The following FAM163B variants were observed in gnomAD, a reference collection of about 807,000 sequenced individuals.
The protein encoded by FAM163B is protein FAM163B.
FAM163B carries 4 observed loss-of-function variants against 7.6 expected under a neutral mutation model. That is an observed-to-expected ratio of 0.52 (90% CI 0.26 to 1.20). The LOEUF (loss-of-function observed/expected upper bound fraction) is 1.20, where lower values mean the gene tolerates loss of function less well. FAM163B is among the 50% of genes most tolerant of loss of function. FAM163B has a pLI of 0.14. For missense variants in FAM163B, 250 were observed against 243.0 expected (o/e 1.03, Z -0.19); for synonymous variants, 120 against 111.6 (o/e 1.07, Z -0.47).
intron 1 of FAM163B, among the ~76,000 whole-genome samples, chr9:133,588,624 G>A: frequency 6.6e-6 from 1 of 152,100 alleles, no homozygotes; most frequent in Non-Finnish European, 1.5e-5. Context: ...GAAGGATCTA[G>A]CATGTTGAGG....
chr9:133,594,545 G>A (rs759687891), intron 1 of FAM163B, among the ~76,000 whole-genome samples: 4 of 152,050 alleles, frequency 2.6e-5, no homozygotes, highest in Non-Finnish European at 4.4e-5. Context: ...CCTCTTCTGG[G>A]CTCTAGTAGC....
At chr9:133,590,060 CCCTTCCCCTT>C (rs1445248721) in intron 1 of FAM163B, among the ~76,000 whole-genome samples, 10,618 of 24,832 alleles carry the variant, frequency 0.43, 2,628 homozygotes, top group East Asian at 0.75. Context: ...CCCTTCCCTT[CCCTTCCCCTT>C]CCCTTCCCCT....
At chr9:133,594,026 C>G (rs891038497) in intron 1 of FAM163B, among the ~76,000 whole-genome samples, 4 of 152,190 alleles carry the variant, frequency 2.6e-5, no homozygotes, top group African/African-American at 4.8e-5. Flanking sequence ...TCTGGGGCTG[C>G]GGGGACATTT....
At position 133,580,163 on chromosome 9, in the gene FAM163B, T is replaced by C; in HGVS notation, c.61A>G (p.Ile21Val). 2 of 1,613,238 alleles carry C rather than the reference T, an allele frequency of 1.2e-6. No homozygotes were observed. The highest frequency in any genetic ancestry group is 1.7e-6 in the Non-Finnish European group (2 of 1,180,030). ...GILATVILLCIIAVLCYCRLQ... is the reference protein window; with the variant it reads ...GILATVILLCVIAVLCYCRLQ... ...CGGCAGTAGCACAGAACAGCGATGATGCAGAGCAAAATCACAGTCGCCAAG... is the reference window on the plus strand; with the variant it reads ...CGGCAGTAGCACAGAACAGCGATGACGCAGAGCAAAATCACAGTCGCCAAG... The change falls in exon 2 of 3, where the codon ATC becomes GTC. Residue 21 changes from isoleucine (I) to valine (V), a missense_variant. Ile to Val is a conservative substitution (Grantham distance 29). Coordinates refer to ENST00000673969, the MANE Select transcript of FAM163B (RefSeq NM_001080515.3).
intron 1 of FAM163B, among the ~76,000 whole-genome samples, chr9:133,592,032 C>T (rs1831560357): frequency 1.3e-5 from 2 of 152,128 alleles, no homozygotes; most frequent in Admixed American, 1.3e-4. Context: ...CGCGGCCTGG[C>T]CCACCCTGCT....
rs1445658473 is a variant in FAM163B, at chr9:133,577,908, A to G, written c.*1114T>C. Reference sequence around the variant, plus strand: ...GAAAGTGGGCTCAGATGAGGTCTTCAGATGGCAGCAGTAGGCTCTGGCTGC... The same window carrying G: ...GAAAGTGGGCTCAGATGAGGTCTTCGGATGGCAGCAGTAGGCTCTGGCTGC... On this transcript the variant is annotated 3_prime_UTR_variant, in exon 3 of 3. Transcript: ENST00000673969. Among the ~76,000 whole-genome samples the G allele has an allele frequency of 1.8e-4, 27 of 152,142 alleles. No homozygotes were observed. The highest frequency in any genetic ancestry group is 6.0e-4 in the African/African-American group (25 of 41,432).
chr9:133,604,801 T>C (rs182589546), intron 1 of FAM163B, among the ~76,000 whole-genome samples: 1 of 151,986 alleles, frequency 6.6e-6, no homozygotes, highest in Non-Finnish European at 1.5e-5. Flanking sequence ...CCATCTGGAG[T>C]AGCACGATTT....
chr9:133,580,036 G>T (rs966616422), intron 2 of FAM163B, 95 bp downstream of exon 2: 2 of 1,042,220 alleles, frequency 1.9e-6, no homozygotes, highest in South Asian at 2.7e-5. Flanking sequence ...TTCCCGGGCC[G>T]TGACCCTTGT....
In FAM163B at chr9:133,601,915, G is replaced by T. The variant is rs1022551304; in HGVS notation, c.-24+7162C>A. Among the ~76,000 whole-genome samples, 1 of 152,218 alleles carries T rather than the reference G, an allele frequency of 6.6e-6. No homozygotes were observed. Among genetic ancestry groups the T allele is most frequent in the Admixed American group, 6.5e-5 (1 of 15,282 alleles). On this transcript the variant is annotated intron_variant, in intron 1 of 2. Coordinates refer to ENST00000673969, the MANE Select transcript of FAM163B (RefSeq NM_001080515.3). This position sits in a 1 kb window ranked among gnomAD's most constrained non-coding sequence, Gnocchi z 4.1. ...AGGGAGGAAGGGACTCTGAGGGTTC[G>T]AGAAACAGGCAGTAGCCAGCACACA... is the stretch of plus-strand genomic sequence containing the variant.
At chr9:133,582,414 C>G (rs982429770) in intron 1 of FAM163B, among the ~76,000 whole-genome samples, 21 of 152,208 alleles carry the variant, frequency 1.4e-4, no homozygotes, top group Non-Finnish European at 2.1e-4. Context: ...GAGAAATGAC[C>G]CGCCCAGGCC....
intron 1 of FAM163B, among the ~76,000 whole-genome samples, chr9:133,591,724 C>T (rs1012912225): frequency 2.6e-5 from 4 of 152,176 alleles, no homozygotes; most frequent in Admixed American, 2.6e-4. Flanking sequence ...ACTGGGAGAA[C>T]CACTGTCCCG....
chr9:133,579,933 G>C (rs890218198), intron 2 of FAM163B, among the ~76,000 whole-genome samples, 198 bp downstream of exon 2: 1 of 152,184 alleles, frequency 6.6e-6, no homozygotes, highest in African/African-American at 2.4e-5. Flanking sequence ...ATAAGCTCTG[G>C]GTGAGGGGAG....
chr9:133,588,629 T>TTAAGGGATCTAGCATGTCGAGCATGC (rs1831482362), intron 1 of FAM163B, among the ~76,000 whole-genome samples: 5 of 47,872 alleles, frequency 1.0e-4, no homozygotes, highest in East Asian at 8.4e-4. Flanking sequence ...ATCTAGCATG[T>TTAAGGGATCTAGCATGTCGAGCATGC]TGAGGGATCT....
chr9:133,587,484 A>G (rs1831458296), intron 1 of FAM163B, among the ~76,000 whole-genome samples: 2 of 151,718 alleles, frequency 1.3e-5, no homozygotes. Flanking sequence ...GAGTGTCAGG[A>G]TCAGGCCTCC....
At position 133,577,149 on chromosome 9, in the gene FAM163B, G is replaced by T. The variant is rs1831260438; in HGVS notation, c.*1873C>A. 6.6e-6 allele frequency among the ~76,000 whole-genome samples: 1 copy of T among 152,222 alleles called. No homozygotes were observed. Among genetic ancestry groups the T allele is most frequent in the Admixed American group, 6.5e-5 (1 of 15,290 alleles). ...GCGGCTCCCCCAGCAGGTCCCCACGGTGGAGCCGAGTGAGCTGGGAGGGAT... is the reference window on the plus strand; with the variant it reads ...GCGGCTCCCCCAGCAGGTCCCCACGTTGGAGCCGAGTGAGCTGGGAGGGAT... On this transcript the variant is annotated 3_prime_UTR_variant, in exon 3 of 3. Transcript: ENST00000673969.
intron 1 of FAM163B, among the ~76,000 whole-genome samples, chr9:133,602,463 T>C (rs1588334503): frequency 6.6e-6 from 1 of 152,180 alleles, no homozygotes; most frequent in East Asian, 1.9e-4. Context: ...CCACCAATGC[T>C]AACCCCTCCT....
At chr9:133,582,703 G>A (rs1251383215) in intron 1 of FAM163B, among the ~76,000 whole-genome samples, 2 of 152,228 alleles carry the variant, frequency 1.3e-5, no homozygotes, top group Admixed American at 6.5e-5. Context: ...ACAGTTTATT[G>A]GGTTTGGGAT....
At chr9:133,588,613 T>G (rs1365119219) in intron 1 of FAM163B, among the ~76,000 whole-genome samples, 1 of 152,188 alleles carries the variant, frequency 6.6e-6, no homozygotes. Flanking sequence ...TCTAGGATGC[T>G]GAAGGATCTA....
intron 1 of FAM163B, among the ~76,000 whole-genome samples, chr9:133,605,091 G>A (rs755869360): frequency 1.3e-4 from 20 of 152,252 alleles, no homozygotes; most frequent in Non-Finnish European, 2.8e-4. Flanking sequence ...GAGGCCTGTG[G>A]GCCCCGAGGC....
Sources: gnomAD v4.1 joint callset for allele counts (sites outside exome capture counted in the v4.1 genomes callset) on GRCh38, gnomAD v4.1.1 for gene constraint, Gnocchi (gnomAD v3.1) non-coding constraint, MANE v1.5 for transcripts, NCBI Gene and HGNC (gene_info 2026-07-23, HGNC 2026-07-21) for gene names.